Variants in SOX5 observed in about 807,000 individuals in gnomAD.
SOX5 encodes SRY-box transcription factor 5, also known as transcription factor SOX-5.
A neutral mutation model predicts 92.0 loss-of-function variants in SOX5; 9 were observed. That is an observed-to-expected ratio of 0.10 (90% CI 0.06 to 0.17). The LOEUF (loss-of-function observed/expected upper bound fraction) is 0.17, where lower values mean the gene tolerates loss of function less well. SOX5 is among the 10% of genes least tolerant of loss of function. The pLI, the probability that SOX5 is intolerant of heterozygous loss-of-function variation, is 1.00. For synonymous variants in SOX5, 344 were observed against 336.3 expected, an observed-to-expected ratio of 1.02 and a Z score of -0.25; for missense variants, 642 against 944.5, an observed-to-expected ratio of 0.68 and a Z score of 4.20.
intron 13 of SOX5, 82 bp downstream of exon 13, chr12:23,543,129 A>G: frequency 8.3e-7 from 1 of 1,201,032 alleles, no homozygotes; most frequent in Non-Finnish European, 1.2e-6. Flanking sequence ...ATGGCCTCCA[A>G]ATCCAGGATC....
chr12:23,800,480 A>G (rs2095640642), intron 3 of SOX5, among the ~76,000 whole-genome samples: 1 of 152,088 alleles, frequency 6.6e-6, no homozygotes. Context: ...GTACATGATG[A>G]TGACTAGTGA....
intron 4 of SOX5, among the ~76,000 whole-genome samples, chr12:23,991,922 T>C (rs942178895): frequency 5.9e-5 from 9 of 152,126 alleles, no homozygotes; most frequent in African/African-American, 2.2e-4. Flanking sequence ...AGGTATCTCT[T>C]GTTAGAATAT....
At chr12:23,882,372 T>TAA (rs562876910) in intron 2 of SOX5, among the ~76,000 whole-genome samples, 3 of 142,592 alleles carry the variant, frequency 2.1e-5, no homozygotes, top group African/African-American at 7.6e-5. Context: ...GCGGATATAC[T>TAA]AAAAAAAAAA....
intron 3 of SOX5, among the ~76,000 whole-genome samples, chr12:23,827,604 T>C (rs2096253066): frequency 1.3e-5 from 2 of 152,172 alleles, no homozygotes; most frequent in Admixed American, 1.3e-4. Flanking sequence ...CAGCAGCAAC[T>C]AAGTGAACAG....
intron 1 of SOX5, among the ~76,000 whole-genome samples, chr12:24,444,053 G>A (rs138028258): frequency 7.9e-4 from 120 of 152,300 alleles, no homozygotes; most frequent in Admixed American, 1.8e-3. Context: ...AGGTAGTTCT[G>A]GATTGGGGGT....
intron 2 of SOX5, among the ~76,000 whole-genome samples, chr12:24,297,781 T>C (rs961441203): frequency 6.6e-6 from 1 of 152,228 alleles, no homozygotes; most frequent in Admixed American, 6.5e-5. Context: ...AAGGGAATAC[T>C]GTACCAGCTG....
intron 8 of SOX5, among the ~76,000 whole-genome samples, chr12:23,638,785 T>C (rs2138661916): frequency 6.6e-6 from 1 of 151,956 alleles, no homozygotes; most frequent in East Asian, 1.9e-4. Flanking sequence ...GTAAGCACCC[T>C]AGCAAAAGTG....
chr12:24,314,999 C>T (rs1236627706), intron 2 of SOX5, among the ~76,000 whole-genome samples: 1 of 152,120 alleles, frequency 6.6e-6, no homozygotes, highest in African/African-American at 2.4e-5. Flanking sequence ...AAATATTCAA[C>T]AAATATTAAT....
chr12:24,204,866 T>G (rs1183274997), intron 4 of SOX5, among the ~76,000 whole-genome samples: 1 of 147,636 alleles, frequency 6.8e-6, no homozygotes, highest in African/African-American at 2.5e-5. Context: ...GGTTAATTCA[T>G]GTTTACCTCC....
chr12:24,205,264 A>C (rs910496800), intron 4 of SOX5, among the ~76,000 whole-genome samples: 2 of 151,868 alleles, frequency 1.3e-5, no homozygotes, highest in African/African-American at 2.4e-5. Flanking sequence ...ACTTATCCCA[A>C]CTCCTAGCAC....
chr12:23,808,180 T>G (rs1008552530), intron 3 of SOX5, among the ~76,000 whole-genome samples: 1 of 152,036 alleles, frequency 6.6e-6, no homozygotes, highest in Non-Finnish European at 1.5e-5. Flanking sequence ...TCCAGCAAAT[T>G]TTAAGGGGAG....
chr12:24,535,172 T>G (rs2138707575), intron 1 of SOX5, among the ~76,000 whole-genome samples: 1 of 152,314 alleles, frequency 6.6e-6, no homozygotes, highest in South Asian at 2.1e-4. Flanking sequence ...AATCGGCTCT[T>G]GGCTTAGCTT....
At chr12:23,864,356 T>TAA (rs2096789129) in intron 2 of SOX5, among the ~76,000 whole-genome samples, 1 of 152,092 alleles carries the variant, frequency 6.6e-6, no homozygotes, top group East Asian at 1.9e-4. Flanking sequence ...AGGGTTCAAG[T>TAA]AAAAGGATGG....
intron 3 of SOX5, among the ~76,000 whole-genome samples, chr12:24,246,262 T>C (rs1385208684): frequency 6.6e-6 from 1 of 151,814 alleles, no homozygotes; most frequent in African/African-American, 2.4e-5. Flanking sequence ...CCTGTTGATG[T>C]TCTCAAATTA....
intron 9 of SOX5, among the ~76,000 whole-genome samples, chr12:23,592,090 A>G (rs1385348756): frequency 3.3e-5 from 5 of 152,334 alleles, no homozygotes; most frequent in East Asian, 1.9e-4. Context: ...CAGAATACCA[A>G]TGCTGGCAAC....
chr12:23,812,198 C>T (rs1021727917), intron 3 of SOX5, among the ~76,000 whole-genome samples: 1 of 151,932 alleles, frequency 6.6e-6, no homozygotes, highest in Non-Finnish European at 1.5e-5. Context: ...AAGTCTGGCA[C>T]CCAGTAAATG....
Position 23,665,537 on chromosome 12 carries a change from T to A in SOX5, c.838A>T (p.Ile280Phe). The change falls in exon 7 of 15, where the codon ATT becomes TTT. Residue 280 changes from isoleucine to phenylalanine, a missense_variant. By Grantham distance (21) the Ile-to-Phe change is conservative. This residue lies in a region of SOX5 where 324 missense variants were observed against 461.6 expected (regional missense o/e 0.70). Transcript: ENST00000451604. ...CGTTGATCAGGAGGGAATACGGGAA[T>A]CATTAATGGCGGCAGCTGACCTTGA... ...QVQGQLPPLM[I>F]PVFPPDQRTL... 6.2e-7 allele frequency: 1 copy of A among 1,613,350 alleles called. No individual in the cohort carries two copies. Among genetic ancestry groups the A allele is most frequent in the Admixed American group, 1.7e-5 (1 of 59,974 alleles).
intron 8 of SOX5, among the ~76,000 whole-genome samples, chr12:23,620,461 A>G (rs1332990104): frequency 6.6e-6 from 1 of 152,094 alleles, no homozygotes; most frequent in Admixed American, 6.6e-5. Context: ...ATAAATCTAT[A>G]TATATAATTT....
intron 6 of SOX5, among the ~76,000 whole-genome samples, chr12:23,707,845 TGTAA>T (rs996181238): frequency 6.6e-6 from 1 of 152,106 alleles, no homozygotes; most frequent in Non-Finnish European, 1.5e-5. Context: ...TGTGGCTGAT[TGTAA>T]AGACTCCTGA....
Sources: gnomAD v4.1 joint callset for allele counts (sites outside exome capture counted in the v4.1 genomes callset) on GRCh38, gnomAD v4.1.1 for gene constraint, gnomAD v4.1.1 regional missense constraint, MANE v1.5 for transcripts, NCBI Gene and HGNC (gene_info 2026-07-23, HGNC 2026-07-21) for gene names.